The following PCCA variants were observed in gnomAD, a reference collection of about 807,000 sequenced individuals.
The protein encoded by PCCA is propionyl-CoA carboxylase alpha chain, mitochondrial.
PCCA carries 74 observed loss-of-function variants against 101.3 expected under a neutral mutation model. The ratio of observed to expected loss-of-function variants is 0.73; its 90% CI spans 0.61 to 0.89. The LOEUF (loss-of-function observed/expected upper bound fraction) is 0.89. PCCA is among the 40% of genes least tolerant of loss of function. The pLI, the probability that PCCA is intolerant of heterozygous loss-of-function variation, is 0.00. For missense variants in PCCA, 891 were observed against 907.0 expected, an observed-to-expected ratio of 0.98 and a Z score of 0.23; for synonymous variants, 294 against 313.6, an observed-to-expected ratio of 0.94 and a Z score of 0.66.
chr13:100,301,634 G>A, intron 13 of PCCA, 31 bp downstream of exon 13: 1 of 1,613,492 alleles, frequency 6.2e-7, no homozygotes. Context: ...AGGAAGGATG[G>A]TGGTTATGTC....
At chr13:100,292,934 CGTGTGTGTGTGTGTGT>C (rs36098330) in intron 12 of PCCA, among the ~76,000 whole-genome samples, 1 of 147,584 alleles carries the variant, frequency 6.8e-6, no homozygotes, top group African/African-American at 2.5e-5. Flanking sequence ...TTTCCAAATT[CGTGTGTGTGTGTGTGT>C]GTGTGTGTGT....
At chr13:100,204,740 A>G (rs1452568660) in intron 6 of PCCA, among the ~76,000 whole-genome samples, 1 of 152,142 alleles carries the variant, frequency 6.6e-6, no homozygotes, top group East Asian at 1.9e-4. Flanking sequence ...GAGTCACAGA[A>G]TTTAGGAAAT....
intron 6 of PCCA, 101 bp downstream of exon 6, chr13:100,157,441 A>G (rs764616731): frequency 3.7e-6 from 3 of 804,188 alleles, no homozygotes; most frequent in Non-Finnish European, 2.2e-6. Flanking sequence ...TAGAATTTTA[A>G]TTAACCCAGC....
Position 100,301,529 on chromosome 13 carries a change from G to A in PCCA, c.1135G>A (p.Gly379Ser), listed in dbSNP as rs2066056081. The A allele has an allele frequency of 6.2e-7, 1 of 1,613,922 alleles. No individual in the cohort carries two copies. The highest frequency in any genetic ancestry group is 8.5e-7 in the Non-Finnish European group (1 of 1,179,958). Residue 379 changes from glycine to serine, a missense_variant, in exon 13 of 24, where the codon GGC becomes AGC. Gly to Ser is a moderately conservative substitution (Grantham distance 56). Coordinates refer to ENST00000376285, the MANE Select transcript of PCCA (RefSeq NM_000282.4). Reference sequence around the variant, plus strand: ...CCAGGAAATGATCCGTGTTGCTAAGGGCTACCCTCTCAGGCACAAACAAGC... The same window carrying A: ...CCAGGAAATGATCCGTGTTGCTAAGAGCTACCCTCTCAGGCACAAACAAGC... ...LVQEMIRVAK[G>S]YPLRHKQADI...
chr13:100,260,855 A>G (rs982849082), intron 9 of PCCA, among the ~76,000 whole-genome samples: 4 of 152,122 alleles, frequency 2.6e-5, no homozygotes, highest in Non-Finnish European at 4.4e-5. Flanking sequence ...GTCATCGCCA[A>G]AACTAGAAGC....
At position 100,268,697 on chromosome 13, in the gene PCCA, T is replaced by C. The variant is rs143838146; in HGVS notation, c.828T>C (p.Gly276=). ...TGGTATTGCTCTTTCAGGTTCTAGG[T>C]GATAAACATGGGAATGCTTTATGGC... ...NPRHIEIQVL[G]DKHGNALWLN... The change falls in exon 11 of 24, where the codon GGT becomes GGC. Residue 276 remains glycine (G), a synonymous_variant. Transcript: ENST00000376285. The C allele has an allele frequency of 2.6e-4, 415 of 1,612,074 alleles. 1 individual carries two copies. The African/African-American group carries it at 4.4e-3, about 17-fold the overall frequency.
chr13:100,244,726 G>C (rs1012564912), intron 8 of PCCA, among the ~76,000 whole-genome samples: 2 of 151,946 alleles, frequency 1.3e-5, no homozygotes, highest in Non-Finnish European at 2.9e-5. Context: ...ATTTTTATTT[G>C]CCTAAGTAGA....
At position 100,419,596 on chromosome 13, in the gene PCCA, A is replaced by T. The variant is rs932611329; in HGVS notation, c.1747-6037A>T. Among the ~76,000 whole-genome samples the T allele has an allele frequency of 2.0e-5, 3 of 152,256 alleles. No individual in the cohort carries two copies. The South Asian group carries it at 6.2e-4, about 31-fold the overall frequency. On this transcript the variant is annotated intron_variant, in intron 19 of 23. Transcript: ENST00000376285. ...TATGGTAAGAAAATAGCTGCAGAGA[A>T]CTTGTTTTAGAACCTGTCAGAGAAA...
chr13:100,388,248 C>G (rs546968770), intron 19 of PCCA, among the ~76,000 whole-genome samples: 2 of 152,152 alleles, frequency 1.3e-5, no homozygotes, highest in African/African-American at 4.8e-5. Flanking sequence ...GCAGGAGGAT[C>G]GCTTGAGCCT....
intron 4 of PCCA, among the ~76,000 whole-genome samples, chr13:100,117,480 G>A (rs2048903528): frequency 6.6e-6 from 1 of 151,252 alleles, no homozygotes; most frequent in African/African-American, 2.4e-5. Context: ...TACAGGACAT[G>A]GATGAAGCTG....
chr13:100,207,353 C>T (rs1165939523), intron 6 of PCCA, among the ~76,000 whole-genome samples: 1 of 152,006 alleles, frequency 6.6e-6, no homozygotes, highest in African/African-American at 2.4e-5. Flanking sequence ...TACTCATTTT[C>T]TCTGAATGAT....
intron 21 of PCCA, among the ~76,000 whole-genome samples, chr13:100,478,249 T>C (rs1310767861): frequency 6.6e-6 from 1 of 152,216 alleles, no homozygotes; most frequent in African/African-American, 2.4e-5. Context: ...TTTTGAATCC[T>C]CTGAGGAGCG....
intron 21 of PCCA, among the ~76,000 whole-genome samples, chr13:100,454,154 G>A (rs567208113): frequency 6.6e-6 from 1 of 151,874 alleles, no homozygotes; most frequent in Non-Finnish European, 1.5e-5. Context: ...GATTACAGGC[G>A]TGAGCCACCG....
rs1243466305 is a variant in PCCA at position 100,530,122 on chromosome 13, G to A, written c.2143G>A (p.Gly715Arg). Residue 715 changes from glycine to arginine, a missense_variant, in exon 24 of 24, where the codon GGA becomes AGA. Physicochemically the swap from Gly to Arg is moderately radical, Grantham distance 125 (BLOSUM62 -2). Coordinates refer to ENST00000376285, the MANE Select transcript of PCCA (RefSeq NM_000282.4). Reference sequence around the variant, plus strand: ...GGTGAAATCTGTGCACTGTCAAGCTGGAGACACAGTTGGAGAAGGGGATCT... The same window carrying A: ...GGTGAAATCTGTGCACTGTCAAGCTAGAGACACAGTTGGAGAAGGGGATCT... ...GTVKSVHCQA[G>R]DTVGEGDLLV... 1 of 1,614,052 alleles carries A rather than the reference G, an allele frequency of 6.2e-7. No homozygotes were observed. Among genetic ancestry groups the A allele is most frequent in the South Asian group, 1.1e-5 (1 of 91,074 alleles).
At chr13:100,310,240 C>T (rs985880436) in intron 16 of PCCA, among the ~76,000 whole-genome samples, 1 of 152,024 alleles carries the variant, frequency 6.6e-6, no homozygotes, top group East Asian at 1.9e-4. Flanking sequence ...TTGGGACACA[C>T]GTTCAGTTTA....
chr13:100,327,134 C>T (rs886124595), intron 16 of PCCA, among the ~76,000 whole-genome samples: 7 of 151,998 alleles, frequency 4.6e-5, no homozygotes, highest in African/African-American at 1.4e-4. Flanking sequence ...TTTTGACATA[C>T]GTATACACCT....
intron 18 of PCCA, among the ~76,000 whole-genome samples, chr13:100,349,528 G>T (rs760060221): frequency 4.6e-5 from 7 of 152,230 alleles, no homozygotes; most frequent in Non-Finnish European, 1.0e-4. Context: ...CTCCCAAAGT[G>T]CTGGGATTAC....
intron 7 of PCCA, among the ~76,000 whole-genome samples, chr13:100,224,141 G>T (rs1389913171): frequency 2.0e-5 from 3 of 152,234 alleles, no homozygotes; most frequent in African/African-American, 7.2e-5. Context: ...CAGGAGCCCA[G>T]GGAGGGGGTG....
intron 4 of PCCA, among the ~76,000 whole-genome samples, chr13:100,128,066 G>T (rs774581219): frequency 6.6e-6 from 1 of 151,994 alleles, no homozygotes; most frequent in Non-Finnish European, 1.5e-5. Flanking sequence ...AGAATCTATG[G>T]TGTACTGGAA....
Sources: gnomAD v4.1 joint callset for allele counts (sites outside exome capture counted in the v4.1 genomes callset) on GRCh38, gnomAD v4.1.1 for gene constraint, MANE v1.5 for transcripts, NCBI Gene and HGNC (gene_info 2026-07-23, HGNC 2026-07-21) for gene names.